TP73: variants seen among roughly 807,000 people sequenced by gnomAD.
The protein encoded by TP73 is tumor protein p73.
A neutral mutation model predicts 62.5 loss-of-function variants in TP73; 25 were observed. That is an observed-to-expected ratio of 0.40 (90% CI 0.29 to 0.56). The LOEUF is 0.56. Among genes scored for constraint, TP73 ranks in the 20% least tolerant of loss-of-function variants. TP73 has a pLI of 0.46. For synonymous variants in TP73, 423 were observed against 377.5 expected (o/e 1.12, Z -1.40); for missense variants, 754 against 913.3 (o/e 0.83, Z 2.25).
At chr1:3,679,809 CTCTG>C (rs1163168228) in intron 1 of TP73, among the ~76,000 whole-genome samples, 1 of 74,300 alleles carries the variant, frequency 1.3e-5, no homozygotes, top group African/African-American at 5.5e-5. Context: ...GTCCCTGTCT[CTCTG>C]TCTCTGTCTC....
intron 1 of TP73, chr1:3,659,254 G>A (rs558084961): frequency 1.3e-5 from 2 of 152,198 alleles, no homozygotes; most frequent in African/African-American, 2.4e-5. Context: ...GGGCAGGTTT[G>A]TAGATGTTGG....
Position 3,732,866 on chromosome 1 carries a change from G to C in TP73, c.1698G>C (p.Ala566=). 2 of 1,612,024 alleles carry C rather than the reference G, an allele frequency of 1.2e-6. No homozygotes were observed. The highest frequency in any genetic ancestry group is 2.2e-5 in the South Asian group (2 of 91,014). ...AGCAGCTGCTCCGCTCTAGCAACGC[G>C]GCCACCATCTCCATCGGCGGCTCAG... The part of the protein sequence containing the change: ...TAQQLLRSSN[A]ATISIGGSGE... Residue 566 remains alanine, a synonymous_variant, in exon 14 of 14, where the codon GCG becomes GCC. Transcript: ENST00000378295.
rs1645258044 is a variant in TP73, at chr1:3,672,241, A to T, written c.-33-10092A>T. Among the ~76,000 whole-genome samples the T allele has an allele frequency of 6.6e-6, 1 of 152,130 alleles. No homozygotes were observed. The highest frequency in any genetic ancestry group is 2.4e-5 in the African/African-American group (1 of 41,412). ...GTGGCCAGGTGGGGACAGCAGCTTG[A>T]GAAGGGTCATTCTCTCTTGGTTGGA... On this transcript the variant is annotated intron_variant, in intron 1 of 13. Coordinates refer to ENST00000378295, the MANE Select transcript of TP73 (RefSeq NM_005427.4). The surrounding 1 kb of genome is among the most constrained non-coding windows in gnomAD (Gnocchi z 5.3).
At chr1:3,713,608 C>T (rs1022919233) in intron 4 of TP73, among the ~76,000 whole-genome samples, 3 of 152,188 alleles carry the variant, frequency 2.0e-5, no homozygotes, top group Non-Finnish European at 2.9e-5. Context: ...AAGTTGAAGC[C>T]ACGGACCCTG....
chr1:3,707,681 G>A lies in TP73; in HGVS notation c.319G>A (p.Asp107Asn), dbSNP rs746637989. The A allele has an allele frequency of 1.2e-6, 2 of 1,613,124 alleles. No individual in the cohort carries two copies. Among genetic ancestry groups the A allele is most frequent in the Non-Finnish European group, 1.7e-6 (2 of 1,179,948 alleles). Residue 107 changes from aspartate (D) to asparagine (N), a missense_variant, in exon 4 of 14, where the codon GAC (aspartate) becomes AAC (asparagine). By Grantham distance (23) the Asp-to-Asn change is conservative. This residue lies in a region of TP73 where 235 missense variants were observed against 251.4 expected (regional missense o/e 0.93). Transcript: ENST00000378295. ...SPYAQPSSTF[D>N]TMSPAPVIPS... ...CTACGCACAACCCAGCTCCACCTTC[G>A]ACACCATGTCGCCGGCGCCTGTCAT...
At chr1:3,718,110 C>T (rs1640757129) in intron 4 of TP73, among the ~76,000 whole-genome samples, 1 of 152,196 alleles carries the variant, frequency 6.6e-6, no homozygotes, top group Non-Finnish European at 1.5e-5. Context: ...TTCTAGGCCG[C>T]TCCACACTCC....
In TP73 at chr1:3,732,977, C is replaced by T. The variant is rs768837390; in HGVS notation, c.1809C>T (p.Gly603=). Residue 603 remains glycine, a synonymous_variant, in exon 14 of 14, where the codon GGC becomes GGT. Transcript: ENST00000378295. The part of the protein sequence containing the change: ...TITIPNRGGP[G]GGPDEWADFG... Reference sequence around the variant, plus strand: ...CCATCCCCAACCGCGGCGGCCCAGGCGGCGGCCCTGACGAGTGGGCGGACT... The same window carrying T: ...CCATCCCCAACCGCGGCGGCCCAGGTGGCGGCCCTGACGAGTGGGCGGACT... 1.8e-5 allele frequency: 29 copies of T among 1,598,098 alleles called. No homozygotes were observed. Among genetic ancestry groups the T allele is most frequent in the Non-Finnish European group, 2.3e-5 (27 of 1,175,162 alleles).
Position 3,732,743 on chromosome 1 carries a change from G to C in TP73, c.1579-4G>C, listed in dbSNP as rs202024833. ...CCTGCCCCTAATGCGCCGGCCTCTC[G>C]CAGGACCTGGGGGCCCTGAAGATCC... On this transcript the variant is annotated splice_region_variant and splice_polypyrimidine_tract_variant and intron_variant, in intron 13 of 13. Transcript: ENST00000378295. 1.0e-5 allele frequency: 16 copies of C among 1,559,186 alleles called. No homozygotes were observed. In the South Asian group the frequency reaches 1.8e-4, roughly 18 times the overall value.
In TP73 at chr1:3,732,832, G is replaced by T. The variant is rs567801920; in HGVS notation, c.1664G>T (p.Ser555Ile). 1.2e-6 allele frequency: 2 copies of T among 1,611,792 alleles called. No individual in the cohort carries two copies. The highest frequency in any genetic ancestry group is 2.2e-5 in the South Asian group (2 of 91,018). ...GACCTGAAGCAGGGCCACGACTACAGCACCGCGCAGCAGCTGCTCCGCTCT... is the reference window on the plus strand; with the variant it reads ...GACCTGAAGCAGGGCCACGACTACATCACCGCGCAGCAGCTGCTCCGCTCT... ...LQDLKQGHDY[S>I]TAQQLLRSSN... The change falls in exon 14 of 14, where the codon AGC becomes ATC. Residue 555 changes from serine to isoleucine, a missense_variant. Ser to Ile is a moderately radical substitution (Grantham distance 142). Around this residue, in one of 3 missense-constraint regions of TP73, gnomAD observed 458 missense variants for 528.7 expected, o/e 0.87. Transcript: ENST00000378295.
In TP73 at chr1:3,683,189, G is replaced by C. The variant is rs774799047; in HGVS notation, c.186+9G>C. On this transcript the variant is annotated intron_variant, in intron 3 of 13. Coordinates refer to ENST00000378295, the MANE Select transcript of TP73 (RefSeq NM_005427.4). ...TGACTACATCTGTCATGGTGAGTGG[G>C]GGGGCTGCCCTCTGCAAGAGGACTG... 2 of 1,601,644 alleles carry C rather than the reference G, an allele frequency of 1.2e-6. No homozygotes were observed. Among genetic ancestry groups the C allele is most frequent in the East Asian group, 4.5e-5 (2 of 44,506 alleles).
intron 3 of TP73, among the ~76,000 whole-genome samples, chr1:3,704,915 A>T (rs3765749): frequency 0.31 from 47,154 of 152,200 alleles, 8,057 homozygotes; most frequent in Non-Finnish European, 0.38. Flanking sequence ...ACCAGACACC[A>T]GGAGGAGCAG....
At chr1:3,671,541 T>C (rs540841361) in intron 1 of TP73, among the ~76,000 whole-genome samples, 2 of 152,306 alleles carry the variant, frequency 1.3e-5, no homozygotes, top group East Asian at 3.9e-4. Flanking sequence ...TTGTCTGCCC[T>C]GCAGGAGCCG....
At chr1:3,673,666 G>A (rs1472477345) in intron 1 of TP73, among the ~76,000 whole-genome samples, 2 of 152,200 alleles carry the variant, frequency 1.3e-5, no homozygotes, top group Non-Finnish European at 2.9e-5. Context: ...GGGCTTCAGG[G>A]CACGAAGCGG....
chr1:3,713,946 G>A (rs1244297723), intron 4 of TP73, among the ~76,000 whole-genome samples: 1 of 152,110 alleles, frequency 6.6e-6, no homozygotes, highest in Non-Finnish European at 1.5e-5. Flanking sequence ...AGAAGTCAGA[G>A]CCCATGGGGA....
chr1:3,684,376 C>G (rs1324139811), intron 3 of TP73, among the ~76,000 whole-genome samples: 1 of 152,200 alleles, frequency 6.6e-6, no homozygotes, highest in African/African-American at 2.4e-5. Flanking sequence ...GGAGGCGATG[C>G]TGGGCCTCTG....
chr1:3,712,887 C>A (rs1640271994), intron 4 of TP73, among the ~76,000 whole-genome samples: 1 of 152,168 alleles, frequency 6.6e-6, no homozygotes, highest in Non-Finnish European at 1.5e-5. Flanking sequence ...TGTGGTGCCC[C>A]ACCCCGGCCC....
intron 4 of TP73, among the ~76,000 whole-genome samples, chr1:3,719,541 C>T (rs1329531126): frequency 1.3e-5 from 2 of 152,228 alleles, no homozygotes; most frequent in East Asian, 1.9e-4. Context: ...AGACCAGTGC[C>T]TGGACACAGG....
At chr1:3,708,102 A>T (rs1570546287) in intron 4 of TP73, 1 of 463,986 alleles carries the variant, frequency 2.2e-6, no homozygotes, top group Non-Finnish European at 3.9e-6. Context: ...CTCAGGTGGG[A>T]TCTTTGGTTT....
intron 10 of TP73, 94 bp downstream of exon 10, chr1:3,729,542 G>A: frequency 6.9e-6 from 11 of 1,592,330 alleles, no homozygotes; most frequent in South Asian, 1.1e-5. Flanking sequence ...CCCTCCAGAA[G>A]GCATCATCTG....
Sources: allele counts gnomAD v4.1 joint callset (sites outside exome capture counted in the v4.1 genomes callset), GRCh38; gene constraint gnomAD v4.1.1; regional missense constraint gnomAD v4.1.1; non-coding constraint Gnocchi (gnomAD v3.1); transcripts MANE v1.5; gene names NCBI Gene and HGNC (gene_info 2026-07-23, HGNC 2026-07-21).